Variants in NOTCH3 observed in about 807,000 individuals in gnomAD.
NOTCH3 encodes the protein notch receptor 3, also known as neurogenic locus notch homolog protein 3.
In NOTCH3, 86 loss-of-function variants were observed where a neutral mutation model predicts 213.3. The observed-to-expected ratio is 0.40, with a 90% CI of 0.34 to 0.48. The LOEUF (loss-of-function observed/expected upper bound fraction) is 0.48. Among genes scored for constraint, NOTCH3 ranks in the 20% least tolerant of loss-of-function variants. The pLI is 0.57. For synonymous variants in NOTCH3, 1,354 were observed against 1,355.9 expected (o/e 1.00, Z 0.03); for missense variants, 2,783 against 3,272.6 (o/e 0.85, Z 3.65).
Position 15,165,602 on chromosome 19 carries a change from C to A in NOTCH3, c.5668-87G>T. On this transcript the variant is annotated intron_variant, in intron 30 of 32. Transcript: ENST00000263388. The surrounding 1 kb of genome is among the most constrained non-coding windows in gnomAD (Gnocchi z 4.7). ...CCCTAAGTCCCATGAAGTCCCCAACCCCCATACCCCAACCCCTGAAATTGG... is the reference window on the plus strand; with the variant it reads ...CCCTAAGTCCCATGAAGTCCCCAACACCCATACCCCAACCCCTGAAATTGG... 1 of 1,427,394 alleles carries A rather than the reference C, an allele frequency of 7.0e-7. No individual in the cohort carries two copies. The highest frequency in any genetic ancestry group is 2.0e-5 in the Admixed American group (1 of 50,996). The allele number at this position is 1,427,394 out of a possible 1,614,324, so 88.4% of individuals were successfully genotyped here. A position where few individuals can be genotyped will look rare whatever the true frequency, so the allele number is the denominator to read the frequency against.
intron 20 of NOTCH3, chr19:15,179,736 G>T (rs2046823523): frequency 6.8e-6 from 4 of 592,286 alleles, no homozygotes; most frequent in South Asian, 5.9e-5. Flanking sequence ...ACAAAAATTA[G>T]CTGGGCGTGG....
Position 15,187,329 on chromosome 19 carries a change from C to G in NOTCH3, c.1616G>C (p.Gly539Ala). 6.2e-7 allele frequency: 1 copy of G among 1,613,072 alleles called. No individual in the cohort carries two copies. The highest frequency in any genetic ancestry group is 8.5e-7 in the Non-Finnish European group (1 of 1,179,606). Reference protein sequence around the residue: ...YECRCAEGFEGTLCDRNVDDC... With the variant: ...YECRCAEGFEATLCDRNVDDC... ...GTCCACGTTGCGATCACACAGCGTG[C>G]CCTCAAAGCCTGTGGGGCCAAGAGG... is the stretch of plus-strand genomic sequence containing the variant. Residue 539 changes from glycine to alanine, a missense_variant, in exon 11 of 33, where the codon GGC (glycine) becomes GCC (alanine). Coordinates refer to ENST00000263388, the MANE Select transcript of NOTCH3 (RefSeq NM_000435.3).
intron 2 of NOTCH3, among the ~76,000 whole-genome samples, chr19:15,195,648 G>C (rs2046963958): frequency 6.6e-6 from 1 of 151,966 alleles, no homozygotes; most frequent in African/African-American, 2.4e-5. Context: ...GGTGGCGTTG[G>C]GAGGGGAGGG....
Position 15,165,526 on chromosome 19 carries a change from G to C in NOTCH3, c.5668-11C>G, listed in dbSNP as rs199850662. On this transcript the variant is annotated splice_polypyrimidine_tract_variant and intron_variant, in intron 30 of 32. Transcript: ENST00000263388. The surrounding 1 kb of genome is among the most constrained non-coding windows in gnomAD (Gnocchi z 4.7). Reference sequence around the variant, plus strand: ...GTTTCGGATGAGAATCTAGGACAGAGAGTGGATGCAGCAGGAGGGGTCATG... The same window carrying C: ...GTTTCGGATGAGAATCTAGGACAGACAGTGGATGCAGCAGGAGGGGTCATG... The C allele has an allele frequency of 4.3e-6, 7 of 1,610,624 alleles. No homozygotes were observed. The African/African-American group carries it at 5.3e-5, about 12-fold the overall frequency.
At chr19:15,199,129 G>T (rs190349039) in intron 1 of NOTCH3, among the ~76,000 whole-genome samples, 17 of 152,348 alleles carry the variant, frequency 1.1e-4, no homozygotes, top group Admixed American at 4.6e-4. Flanking sequence ...TGAGCTGTAG[G>T]CAATGTGAGC....
chr19:15,179,977 G>A (rs1490934814), intron 20 of NOTCH3, 95 bp downstream of exon 20: 38 of 829,566 alleles, frequency 4.6e-5, no homozygotes, highest in Non-Finnish European at 6.1e-5. Context: ...GACATATCTA[G>A]AGACATACCC....
At chr19:15,200,759 G>A in intron 1 of NOTCH3, 29 bp downstream of exon 1, 1 of 1,273,122 alleles carries the variant, frequency 7.9e-7, no homozygotes, top group Non-Finnish European at 9.9e-7. Context: ...TGCCGCCCTC[G>A]TCCCATCCGC....
rs778080758 is a variant in NOTCH3 at position 15,161,563 on chromosome 19, C to T, written c.6065G>A (p.Arg2022His). 29 of 1,609,126 alleles carry T rather than the reference C, an allele frequency of 1.8e-5. No homozygotes were observed. Among genetic ancestry groups the T allele is most frequent in the African/African-American group, 4.0e-5 (3 of 74,880 alleles). The part of the protein sequence containing the change: ...AQERLHQDIV[R>H]LLDQPSGPRS... ...GGGCCCACTGGGTTGATCCAGCAAG[C>T]GCACGATGTCCTGGTGCAGTCTCTC... Residue 2022 changes from arginine (R) to histidine (H), a missense_variant, in exon 33 of 33, where the codon CGC (arginine) becomes CAC (histidine). Arg to His is a conservative substitution (Grantham distance 29). Transcript: ENST00000263388.
chr19:15,186,762 G>T, intron 12 of NOTCH3, 116 bp downstream of exon 12: 1 of 854,658 alleles, frequency 1.2e-6, no homozygotes, highest in Non-Finnish European at 2.0e-6. Context: ...TCAGGGCAAA[G>T]CACGGACAAC....
At chr19:15,177,410 A>T in intron 24 of NOTCH3, 115 bp downstream of exon 24, 1 of 921,398 alleles carries the variant, frequency 1.1e-6, no homozygotes. Flanking sequence ...GATAGAGTGC[A>T]CAGAGAAACA....
At chr19:15,166,486 ATTCAT>A (rs1568347867) in intron 29 of NOTCH3, among the ~76,000 whole-genome samples, 1 of 143,216 alleles carries the variant, frequency 7.0e-6, no homozygotes, top group Non-Finnish European at 1.5e-5. Context: ...CTTTCTGCCA[ATTCAT>A]TTGAGTGTTT....
intron 1 of NOTCH3, among the ~76,000 whole-genome samples, chr19:15,199,743 T>G (rs972588465): frequency 1.3e-5 from 2 of 152,154 alleles, no homozygotes; most frequent in Non-Finnish European, 2.9e-5. Context: ...GGCTCCTGCC[T>G]GGTCCTGCCC....
In NOTCH3 at chr19:15,184,017, A is replaced by C. The variant is rs544599717; in HGVS notation, c.2566+278T>G. Among the ~76,000 whole-genome samples, 3 of 140,942 alleles carry C rather than the reference A, an allele frequency of 2.1e-5. 1 individual carries two copies. The highest frequency in any genetic ancestry group is 8.4e-5 in the African/African-American group (3 of 35,898). The allele number at this position is 140,942 out of a possible 152,430, so 92.5% of individuals were successfully genotyped here. A position where few individuals can be genotyped will look rare whatever the true frequency, so the allele number is the denominator to read the frequency against. On this transcript the variant is annotated intron_variant, in intron 16 of 32. Transcript: ENST00000263388. Reference sequence around the variant, plus strand: ...ATGATTGCAACACTGCACTCCAGCGACAGAGCTAAGACTCTGTCTCAAAAA... The same window carrying C: ...ATGATTGCAACACTGCACTCCAGCGCCAGAGCTAAGACTCTGTCTCAAAAA...
chr19:15,174,241 T>C lies in NOTCH3; in HGVS notation c.4563A>G (p.Pro1521=), dbSNP rs1044006. Residue 1521 remains proline (P), a synonymous_variant, in exon 25 of 33, where the codon CCA becomes CCG. Coordinates refer to ENST00000263388, the MANE Select transcript of NOTCH3 (RefSeq NM_000435.3). ...GVLVLTVLLP[P]EELLRSSADF... ...CGGCGCTGGAACGCAGTAGCTCCTC[T>C]GGCGGCAGCAGCACTGTGAGCACCA... 0.89 allele frequency: 1,424,950 copies of C among 1,595,316 alleles called. 637,948 individuals carry two copies. The highest frequency in any genetic ancestry group is 0.98 in the African/African-American group (73,104 of 74,696).
At chr19:15,192,683 G>A (rs947432779) in intron 2 of NOTCH3, among the ~76,000 whole-genome samples, 164 bp from the exon 3 acceptor site, 8 of 152,206 alleles carry the variant, frequency 5.3e-5, no homozygotes, top group Non-Finnish European at 8.8e-5. Flanking sequence ...GGGAGGCTGC[G>A]GCGGGCAGAT....
chr19:15,172,314 C>G (rs1042417381), intron 25 of NOTCH3, among the ~76,000 whole-genome samples: 11 of 152,158 alleles, frequency 7.2e-5, no homozygotes, highest in Non-Finnish European at 1.5e-4. Flanking sequence ...CTTCAATGAT[C>G]ATCAACACTT....
At chr19:15,176,356 C>G (rs745972446) in intron 24 of NOTCH3, among the ~76,000 whole-genome samples, 13 of 151,830 alleles carry the variant, frequency 8.6e-5, no homozygotes, top group African/African-American at 3.1e-4. Context: ...TTAGTAGAGA[C>G]GGAGTTTCAC....
In NOTCH3 at chr19:15,160,449, G is replaced by T; in HGVS notation, c.*213C>A. On this transcript the variant is annotated 3_prime_UTR_variant, in exon 33 of 33. Transcript: ENST00000263388. The stretch of plus-strand genomic sequence containing the variant: ...TCCCAGACTCTTCACAAGACTGAGA[G>T]GGTGGGTGGTAGCCCCCACCCATTA... The T allele has an allele frequency of 1.7e-6, 1 of 599,042 alleles. No individual in the cohort carries two copies. The highest frequency in any genetic ancestry group is 3.0e-6 in the Non-Finnish European group (1 of 335,334). 37.1% of individuals were successfully genotyped at this position (599,042 alleles called of 1,614,324 possible).
In NOTCH3 at chr19:15,180,062, G is replaced by A. The variant is rs747489033; in HGVS notation, c.3327+10C>T. 7.4e-5 allele frequency: 118 copies of A among 1,586,914 alleles called. No homozygotes were observed. The highest frequency in any genetic ancestry group is 5.4e-4 in the East Asian group (24 of 44,740). ...CCTCCTCTTCCCTCTCCTGGGGAGC[G>A]CCCCCTTACCTCACACATGTAGCCC... is the stretch of plus-strand genomic sequence containing the variant. On this transcript the variant is annotated intron_variant, in intron 20 of 32. Coordinates refer to ENST00000263388, the MANE Select transcript of NOTCH3 (RefSeq NM_000435.3).
Sources: allele counts gnomAD v4.1 joint callset (sites outside exome capture counted in the v4.1 genomes callset), GRCh38; gene constraint gnomAD v4.1.1; non-coding constraint Gnocchi (gnomAD v3.1); transcripts MANE v1.5; gene names NCBI Gene and HGNC (gene_info 2026-07-23, HGNC 2026-07-21).